The following PARP4 variants were observed in gnomAD, a reference collection of about 807,000 sequenced individuals.
PARP4 encodes the protein protein mono-ADP-ribosyltransferase PARP4.
A neutral mutation model predicts 187.7 loss-of-function variants in PARP4; 120 were observed. The observed-to-expected ratio is 0.64, with a 90% CI of 0.55 to 0.74. PARP4 has a LOEUF of 0.74. PARP4 is among the 30% of genes least tolerant of loss of function. The pLI is 0.00. For missense variants in PARP4, 1,836 were observed against 2,070.5 expected (o/e 0.89, Z 2.20); for synonymous variants, 654 against 740.9 (o/e 0.88, Z 1.90).
rs147669222 is a variant in PARP4, at chr13:24,478,246, C to A, written c.1479G>T (p.Glu493Asp). The A allele has an allele frequency of 9.3e-6, 15 of 1,611,962 alleles. No homozygotes were observed. Among genetic ancestry groups the A allele is most frequent in the African/African-American group, 2.7e-5 (2 of 74,832 alleles). ...STSIKYSHPG[E>D]TDGTRLLLIC... ...TGAGCAGGAGTCTGGTGCCATCTGTCTCTCCCGGGTGTGAGTACTTGATAC... is the reference window on the plus strand; with the variant it reads ...TGAGCAGGAGTCTGGTGCCATCTGTATCTCCCGGGTGTGAGTACTTGATAC... The change falls in exon 13 of 34, where the codon GAG becomes GAT. Residue 493 changes from glutamate (E) to aspartate (D), a missense_variant. Coordinates refer to ENST00000381989, the MANE Select transcript of PARP4 (RefSeq NM_006437.4).
chr13:24,439,326 C>CA (rs34752537), intron 30 of PARP4, among the ~76,000 whole-genome samples: 45 of 139,768 alleles, frequency 3.2e-4, no homozygotes, highest in South Asian at 9.4e-4. Flanking sequence ...GACCCTGTCT[C>CA]AAAAAAAAAA....
chr13:24,460,843 T>C (rs4503656), intron 17 of PARP4, among the ~76,000 whole-genome samples: 33,579 of 151,970 alleles, frequency 0.22, 3,954 homozygotes, highest in East Asian at 0.3. Flanking sequence ...GCCTGGCTGA[T>C]TTTTAAATAT....
chr13:24,459,155 T>C lies in PARP4; in HGVS notation c.2346-33A>G, dbSNP rs189683699. ...AAATGAAGAGAAAGTTGTCTTAGTC[T>C]ACGATCTTAAATTTCTATCTGAAAT... On this transcript the variant is annotated intron_variant, in intron 19 of 33. Coordinates refer to ENST00000381989, the MANE Select transcript of PARP4 (RefSeq NM_006437.4). 5.1e-5 allele frequency: 81 copies of C among 1,580,228 alleles called. No homozygotes were observed. The African/African-American group carries it at 9.5e-4, about 19-fold the overall frequency.
At chr13:24,441,745 T>C in intron 30 of PARP4, 101 bp downstream of exon 30, 1 of 1,051,918 alleles carries the variant, frequency 9.5e-7, no homozygotes, top group South Asian at 1.6e-5. Context: ...TACAACTTCT[T>C]CATGTACAGG....
At chr13:24,502,346 T>G (rs1405574555) in intron 2 of PARP4, among the ~76,000 whole-genome samples, 1 of 152,236 alleles carries the variant, frequency 6.6e-6, no homozygotes, top group Admixed American at 6.5e-5. Context: ...ATTTTATTTA[T>G]TTTTTAATAA....
intron 3 of PARP4, among the ~76,000 whole-genome samples, chr13:24,500,970 T>C (rs1869242105): frequency 1.4e-5 from 2 of 143,824 alleles, no homozygotes; most frequent in South Asian, 4.9e-4. Flanking sequence ...ATGTTTTCAA[T>C]GTGAAATGAG....
chr13:24,456,197 T>C, intron 21 of PARP4, 144 bp downstream of exon 21: 2 of 626,022 alleles, frequency 3.2e-6, no homozygotes, highest in Non-Finnish European at 5.3e-6. Context: ...ATCATAAATA[T>C]TTTTAGTTGC....
intron 17 of PARP4, among the ~76,000 whole-genome samples, chr13:24,462,589 C>A (rs1872261980): frequency 6.6e-6 from 1 of 152,134 alleles, no homozygotes; most frequent in African/African-American, 2.4e-5. Flanking sequence ...AATTAACAGG[C>A]AGATTCAGAG....
intron 14 of PARP4, among the ~76,000 whole-genome samples, chr13:24,476,106 T>C (rs748134587): frequency 2.0e-5 from 3 of 151,998 alleles, no homozygotes; most frequent in Non-Finnish European, 4.4e-5. Context: ...TTTTGTTTTT[T>C]AAAGACCCTT....
chr13:24,464,793 T>C (rs1872373109), intron 17 of PARP4, among the ~76,000 whole-genome samples: 1 of 151,776 alleles, frequency 6.6e-6, no homozygotes, highest in Admixed American at 6.6e-5. Context: ...AATTGACAAA[T>C]GGGATCTAAT....
At chr13:24,484,066 C>CA (rs1348163777) in intron 12 of PARP4, among the ~76,000 whole-genome samples, 2 of 152,226 alleles carry the variant, frequency 1.3e-5, no homozygotes. Flanking sequence ...GGCCTGAACT[C>CA]AGTCTCCATC....
At chr13:24,505,945 A>T (rs1424720472) in intron 1 of PARP4, among the ~76,000 whole-genome samples, 1 of 152,150 alleles carries the variant, frequency 6.6e-6, no homozygotes, top group Non-Finnish European at 1.5e-5. Flanking sequence ...CTGAAAGCCC[A>T]CCGCCCTGCA....
chr13:24,453,605 C>T lies in PARP4; in HGVS notation c.2808G>A (p.Met936Ile), dbSNP rs753586869. ...CACTCACCATGATGAACTCTGCTGC[C>T]ATGGTATTGCTTGTGATATGCTTAG... Reference protein sequence around the residue: ...SYPKHITSNTMAAEFIMSATP... With the variant: ...SYPKHITSNTIAAEFIMSATP... Residue 936 changes from methionine to isoleucine, a missense_variant, in exon 23 of 34, where the codon ATG (methionine) becomes ATA (isoleucine). Physicochemically the swap from Met to Ile is conservative, Grantham distance 10. Around this residue, in one of 8 missense-constraint regions of PARP4, gnomAD observed 1,147 missense variants for 1,214.2 expected, o/e 0.94. Transcript: ENST00000381989. 61 of 1,602,064 alleles carry T rather than the reference C, an allele frequency of 3.8e-5. No individual in the cohort carries two copies. The Middle Eastern group carries it at 2.3e-3, about 61-fold the overall frequency.
chr13:24,509,380 G>A (rs1030830656), intron 1 of PARP4, among the ~76,000 whole-genome samples: 1 of 151,856 alleles, frequency 6.6e-6, no homozygotes, highest in African/African-American at 2.4e-5. Flanking sequence ...GGTGGTACAT[G>A]CCTATGGTCC....
intron 33 of PARP4, among the ~76,000 whole-genome samples, chr13:24,422,757 T>C (rs929789614): frequency 5.3e-5 from 8 of 152,180 alleles, no homozygotes; most frequent in South Asian, 2.1e-4. Context: ...TACAGACACG[T>C]GCCACCACAC....
At chr13:24,495,868 A>T (rs921289521) in intron 6 of PARP4, among the ~76,000 whole-genome samples, 1 of 152,232 alleles carries the variant, frequency 6.6e-6, no homozygotes, top group Admixed American at 6.5e-5. Flanking sequence ...TTTATTAAGC[A>T]GAAGGGCAGG....
intron 17 of PARP4, among the ~76,000 whole-genome samples, chr13:24,462,346 C>T (rs558087526): frequency 2.6e-5 from 4 of 152,222 alleles, no homozygotes; most frequent in Admixed American, 6.5e-5. Context: ...GAATTTGAGA[C>T]GGAGAGTAAT....
chr13:24,450,044 T>G (rs1036887119), intron 24 of PARP4, among the ~76,000 whole-genome samples: 1 of 150,972 alleles, frequency 6.6e-6, no homozygotes, highest in African/African-American at 2.5e-5. Flanking sequence ...ATCCTTCAAA[T>G]AGAAAAAAGT....
At chr13:24,424,008 A>G (rs558028554) in intron 33 of PARP4, among the ~76,000 whole-genome samples, 16 of 151,912 alleles carry the variant, frequency 1.1e-4, no homozygotes, top group South Asian at 6.3e-4. Flanking sequence ...TGGCAGTCTC[A>G]TTGGTTACCT....
Sources: gnomAD v4.1 joint callset for allele counts (sites outside exome capture counted in the v4.1 genomes callset) on GRCh38, gnomAD v4.1.1 for gene constraint, gnomAD v4.1.1 regional missense constraint, MANE v1.5 for transcripts, NCBI Gene and HGNC (gene_info 2026-07-23, HGNC 2026-07-21) for gene names.